The following BABAM2 variants were observed in gnomAD, a reference collection of about 807,000 sequenced individuals.
BABAM2 encodes BRISC and BRCA1 A complex member 2.
BABAM2 carries 31 observed loss-of-function variants against 54.7 expected under a neutral mutation model. The observed-to-expected ratio is 0.57, with a 90% confidence interval of 0.43 to 0.77. The LOEUF is 0.77. BABAM2 is among the 30% of genes least tolerant of loss of function. The pLI is 0.00. For missense variants in BABAM2, 364 were observed against 455.8 expected (o/e 0.80, Z 1.83); for synonymous variants, 167 against 162.9 (o/e 1.03, Z -0.19).
At chr2:28,263,953 C>G (rs60353301) in intron 10 of BABAM2, among the ~76,000 whole-genome samples, 19,529 of 152,154 alleles carry the variant, frequency 0.13, 1,508 homozygotes, top group African/African-American at 0.21. Context: ...TACAGGCAAG[C>G]CTAGTGAAGA....
chr2:27,904,951 G>A (rs887931338), intron 2 of BABAM2, among the ~76,000 whole-genome samples: 4 of 152,134 alleles, frequency 2.6e-5, no homozygotes, highest in Non-Finnish European at 5.9e-5. Flanking sequence ...GACCTAGAAA[G>A]CAGTCAATAC....
chr2:28,022,164 G>T (rs1394675847), intron 4 of BABAM2, among the ~76,000 whole-genome samples: 2 of 149,976 alleles, frequency 1.3e-5, no homozygotes, highest in Non-Finnish European at 2.9e-5. Context: ...GTGGGAAGGT[G>T]AGGGGTCACA....
At chr2:28,293,777 G>A (rs1359651143) in intron 10 of BABAM2, among the ~76,000 whole-genome samples, 1 of 152,150 alleles carries the variant, frequency 6.6e-6, no homozygotes, top group Non-Finnish European at 1.5e-5. Context: ...CAACACTTTG[G>A]TAGGCCAAAG....
chr2:27,926,868 C>T (rs1667743033), intron 2 of BABAM2, among the ~76,000 whole-genome samples: 1 of 152,012 alleles, frequency 6.6e-6, no homozygotes, highest in Admixed American at 6.6e-5. Context: ...TGTTTTGTTA[C>T]ATATAGTGTA....
chr2:28,313,816 G>A (rs1180396833), intron 11 of BABAM2, among the ~76,000 whole-genome samples: 1 of 152,174 alleles, frequency 6.6e-6, no homozygotes, highest in Non-Finnish European at 1.5e-5. Flanking sequence ...CCAACTCAAA[G>A]CCTACTGATT....
chr2:28,318,557 C>T (rs1470583196), intron 11 of BABAM2, among the ~76,000 whole-genome samples: 1 of 152,214 alleles, frequency 6.6e-6, no homozygotes, highest in African/African-American at 2.4e-5. Context: ...ATAGAAAGAG[C>T]TCCTGGAATA....
intron 7 of BABAM2, among the ~76,000 whole-genome samples, chr2:28,233,703 C>T (rs1681636248): frequency 6.6e-6 from 1 of 152,202 alleles, no homozygotes; most frequent in Admixed American, 6.5e-5. Flanking sequence ...TTAAAACTAT[C>T]TTTCGTAGTG....
chr2:27,965,768 A>G (rs1009262923), intron 3 of BABAM2, among the ~76,000 whole-genome samples: 4 of 152,158 alleles, frequency 2.6e-5, no homozygotes, highest in African/African-American at 7.2e-5. Flanking sequence ...ATAGGTTGAT[A>G]TGTCATTTAG....
chr2:27,921,564 C>T (rs1052233098), intron 2 of BABAM2, among the ~76,000 whole-genome samples: 1 of 152,094 alleles, frequency 6.6e-6, no homozygotes, highest in Non-Finnish European at 1.5e-5. Flanking sequence ...TGGATCCCAG[C>T]TCTGTCACTC....
chr2:28,243,779 AC>A (rs1682668564), intron 9 of BABAM2, among the ~76,000 whole-genome samples: 1 of 152,064 alleles, frequency 6.6e-6, no homozygotes, highest in Non-Finnish European at 1.5e-5. Flanking sequence ...TGATATACCA[AC>A]CATTTTTTAG....
chr2:28,019,215 A>G (rs55920664), intron 4 of BABAM2, among the ~76,000 whole-genome samples: 12,960 of 152,148 alleles, frequency 0.085, 871 homozygotes, highest in African/African-American at 0.18. Context: ...ATTCCATGGT[A>G]TATATATGCC....
intron 2 of BABAM2, among the ~76,000 whole-genome samples, chr2:27,926,714 C>G (rs1667733218): frequency 6.6e-6 from 1 of 152,040 alleles, no homozygotes; most frequent in Non-Finnish European, 1.5e-5. Flanking sequence ...ATCCTAACAC[C>G]TAGAGCAATG....
At chr2:28,303,081 T>C (rs1031441025) in intron 11 of BABAM2, among the ~76,000 whole-genome samples, 1 of 152,116 alleles carries the variant, frequency 6.6e-6, no homozygotes, top group African/African-American at 2.4e-5. Flanking sequence ...TCTTGAACCC[T>C]TGGGCTCAAG....
chr2:28,105,551 C>T (rs1667448383), intron 6 of BABAM2, among the ~76,000 whole-genome samples: 1 of 152,104 alleles, frequency 6.6e-6, no homozygotes, highest in Non-Finnish European at 1.5e-5. Flanking sequence ...AGAGGAAGAT[C>T]CTGAACATTT....
chr2:28,164,844 C>T (rs1673473013), intron 7 of BABAM2, among the ~76,000 whole-genome samples: 1 of 152,178 alleles, frequency 6.6e-6, no homozygotes. Flanking sequence ...AAGTAAATAA[C>T]TCCAGATCCC....
chr2:28,216,661 A>G (rs1167501220), intron 7 of BABAM2, among the ~76,000 whole-genome samples: 2 of 152,176 alleles, frequency 1.3e-5, no homozygotes, highest in South Asian at 4.1e-4. Flanking sequence ...TTTCTACCTT[A>G]TGCACTCACA....
chr2:28,250,915 AAAAGAG>A (rs1683419032), intron 10 of BABAM2, among the ~76,000 whole-genome samples: 1 of 152,152 alleles, frequency 6.6e-6, no homozygotes. Context: ...TTATGTTTTT[AAAAGAG>A]AAAAAAAGTT....
rs556847976 is a variant in BABAM2, at chr2:28,114,830, CTATTCTGCCCAAACT to C, written c.571-14437_571-14423del. Among the ~76,000 whole-genome samples, 122 of 152,146 alleles carry C rather than the reference CTATTCTGCCCAAACT, an allele frequency of 8.0e-4. 1 individual carries two copies. The highest frequency in any genetic ancestry group is 1.6e-3 in the Non-Finnish European group (111 of 68,022). ...TGATCTAAACCTGGGGAGAAATGGC[CTATTCTGCCCAAACT>C]TATACCAACTGATTTACATTGGAAA... On this transcript the variant is annotated intron_variant, in intron 6 of 11. Transcript: ENST00000379624.
chr2:28,225,727 G>A (rs184000587), intron 7 of BABAM2, among the ~76,000 whole-genome samples: 106 of 151,550 alleles, frequency 7.0e-4, no homozygotes, highest in Non-Finnish European at 1.3e-3. Flanking sequence ...ATCTAGTATG[G>A]TTGTGAGAAC....
Sources: allele counts gnomAD v4.1 joint callset (sites outside exome capture counted in the v4.1 genomes callset), GRCh38; gene constraint gnomAD v4.1.1; transcripts MANE v1.5; gene names NCBI Gene and HGNC (gene_info 2026-07-23, HGNC 2026-07-21).